Variants in BNC2 observed in about 807,000 individuals in gnomAD.
BNC2 encodes basonuclin zinc finger protein 2.
In BNC2, 20 loss-of-function variants were observed where a neutral mutation model predicts 76.3. The observed-to-expected ratio is 0.26, with a 90% CI of 0.18 to 0.38. The LOEUF is 0.38. BNC2 is among the 10% of genes least tolerant of loss of function. BNC2 has a pLI of 1.00. For synonymous variants in BNC2, 582 were observed against 514.8 expected (o/e 1.13, Z -1.77); for missense variants, 1,382 against 1,399.8 (o/e 0.99, Z 0.20).
chr9:16,801,277 C>T (rs561001074), intron 1 of BNC2, among the ~76,000 whole-genome samples: 1 of 152,214 alleles, frequency 6.6e-6, no homozygotes, highest in East Asian at 1.9e-4. Flanking sequence ...GACAGAGTCT[C>T]ACTCTGTCAC....
intron 5 of BNC2, among the ~76,000 whole-genome samples, chr9:16,517,397 A>C (rs1817474165): frequency 6.6e-6 from 1 of 152,228 alleles, no homozygotes; most frequent in African/African-American, 2.4e-5. Flanking sequence ...TATTTGCCTT[A>C]CAGTATTAAG....
chr9:16,511,546 T>C (rs754996182), intron 5 of BNC2, among the ~76,000 whole-genome samples: 3 of 148,688 alleles, frequency 2.0e-5, no homozygotes, highest in Non-Finnish European at 4.5e-5. Context: ...TCCTACCTCA[T>C]TCTCCCAAGT....
intron 3 of BNC2, among the ~76,000 whole-genome samples, chr9:16,703,990 G>C (rs1823588935): frequency 6.6e-6 from 1 of 152,112 alleles, no homozygotes; most frequent in Non-Finnish European, 1.5e-5. Context: ...AAGAATTAAG[G>C]TTTGAAATTG....
chr9:16,857,234 T>A (rs1416716750), intron 1 of BNC2, among the ~76,000 whole-genome samples: 1 of 152,084 alleles, frequency 6.6e-6, no homozygotes, highest in South Asian at 2.1e-4. Context: ...TCCCAGCACT[T>A]TGGGAGGTTG....
At chr9:16,517,843 G>A (rs964786760) in intron 5 of BNC2, among the ~76,000 whole-genome samples, 3 of 152,066 alleles carry the variant, frequency 2.0e-5, no homozygotes, top group Non-Finnish European at 4.4e-5. Context: ...ATAGGGTCCT[G>A]AGTTTTCTAA....
chr9:16,636,594 C>T (rs1034465308), intron 3 of BNC2, among the ~76,000 whole-genome samples: 1 of 152,150 alleles, frequency 6.6e-6, no homozygotes, highest in African/African-American at 2.4e-5. Flanking sequence ...TGAGCCGCCA[C>T]ACCCAGCTAG....
rs560745430 is a variant in BNC2, at chr9:16,584,896, T to C, written c.331-1811A>G. Among the ~76,000 whole-genome samples the C allele has an allele frequency of 3.4e-3, 520 of 152,224 alleles. 3 individuals are homozygous for C. Among genetic ancestry groups the C allele is most frequent in the African/African-American group, 0.012 (486 of 41,568 alleles). Reference sequence around the variant, plus strand: ...CAAATTATCTAATTATAAATTCAGATACGGGAACTATGTTGACATTAAAAC... The same window carrying C: ...CAAATTATCTAATTATAAATTCAGACACGGGAACTATGTTGACATTAAAAC... On this transcript the variant is annotated intron_variant, in intron 3 of 6. Transcript: ENST00000380672.
intron 5 of BNC2, among the ~76,000 whole-genome samples, chr9:16,551,457 C>A (rs936687189): frequency 3.0e-4 from 46 of 152,216 alleles, no homozygotes; most frequent in African/African-American, 1.1e-3. Flanking sequence ...TAATGCCCTT[C>A]ATGTAACACA....
In BNC2 at chr9:16,546,787, G is replaced by A. The variant is rs566218163; in HGVS notation, c.669+5743C>T. Among the ~76,000 whole-genome samples the A allele has an allele frequency of 3.3e-5, 5 of 152,114 alleles. No homozygotes were observed. The East Asian group carries it at 9.6e-4, about 29-fold the overall frequency. ...CTCTTCCCCCAAATCATGCCACACTGCATCTACAGACTCTCACATATTACA... is the reference window on the plus strand; with the variant it reads ...CTCTTCCCCCAAATCATGCCACACTACATCTACAGACTCTCACATATTACA... On this transcript the variant is annotated intron_variant, in intron 5 of 6. Coordinates refer to ENST00000380672, the MANE Select transcript of BNC2 (RefSeq NM_017637.6).
At chr9:16,791,957 C>T (rs1008499893) in intron 1 of BNC2, among the ~76,000 whole-genome samples, 3 of 151,910 alleles carry the variant, frequency 2.0e-5, no homozygotes, top group Non-Finnish European at 4.4e-5. Flanking sequence ...CAAAAATTAG[C>T]CAGGTGTGGT....
intron 3 of BNC2, among the ~76,000 whole-genome samples, chr9:16,644,018 C>T (rs1267181261): frequency 6.6e-6 from 1 of 152,088 alleles, no homozygotes; most frequent in Admixed American, 6.5e-5. Context: ...CCAAGAGAAC[C>T]TTAGAAGAGC....
At chr9:16,547,543 T>C (rs189192381) in intron 5 of BNC2, among the ~76,000 whole-genome samples, 8 of 152,308 alleles carry the variant, frequency 5.3e-5, no homozygotes, top group African/African-American at 1.9e-4. Flanking sequence ...GTTGACTTAA[T>C]TGACTGATTT....
At chr9:16,784,046 T>G (rs986226320) in intron 1 of BNC2, among the ~76,000 whole-genome samples, 3 of 152,130 alleles carry the variant, frequency 2.0e-5, no homozygotes, top group Non-Finnish European at 4.4e-5. Flanking sequence ...AAGGCAAAAT[T>G]TCTGCTTAAA....
intron 1 of BNC2, among the ~76,000 whole-genome samples, chr9:16,865,035 G>GAAAAAA (rs5896712): frequency 7.6e-6 from 1 of 131,068 alleles, no homozygotes; most frequent in Non-Finnish European, 1.6e-5. Flanking sequence ...GCTTTGGACT[G>GAAAAAA]AAAAAAAAAA....
chr9:16,758,166 C>G (rs938979075), intron 1 of BNC2, among the ~76,000 whole-genome samples: 2 of 151,738 alleles, frequency 1.3e-5, no homozygotes, highest in African/African-American at 4.8e-5. Context: ...ATCTTCAAAG[C>G]CAGCAATGTT....
rs185321893 is a variant in BNC2, at chr9:16,470,598, T to C, written c.670-33074A>G. On this transcript the variant is annotated intron_variant, in intron 5 of 6. Transcript: ENST00000380672. ...TGTGCAGCCTAGGAACTTGGTGCCC[T>C]GTATCCCAGCCGCTCTAGCTGTGGC... Among the ~76,000 whole-genome samples the C allele has an allele frequency of 9.2e-3, 1,399 of 152,298 alleles. 14 individuals carry two copies. Among genetic ancestry groups the C allele is most frequent in the Non-Finnish European group, 0.013 (902 of 68,030 alleles).
chr9:16,816,253 A>G (rs190251974), intron 1 of BNC2, among the ~76,000 whole-genome samples: 105 of 152,288 alleles, frequency 6.9e-4, no homozygotes, highest in African/African-American at 2.4e-3. Context: ...AGGCACTTCC[A>G]TTAAGACCTC....
intron 4 of BNC2, 50 bp from the exon 5 acceptor site, chr9:16,552,815 TAAAG>T (rs758289508): frequency 6.9e-7 from 1 of 1,446,842 alleles, no homozygotes. Context: ...GGGAATAAGA[TAAAG>T]AGAGAGAACA....
chr9:16,453,871 C>A (rs1002573219), intron 5 of BNC2, among the ~76,000 whole-genome samples: 20 of 152,186 alleles, frequency 1.3e-4, no homozygotes, highest in Non-Finnish European at 2.5e-4. Flanking sequence ...AGCATAAATT[C>A]TTTAATGCTG....
Sources: allele counts gnomAD v4.1 joint callset (sites outside exome capture counted in the v4.1 genomes callset), GRCh38; gene constraint gnomAD v4.1.1; transcripts MANE v1.5; gene names NCBI Gene and HGNC (gene_info 2026-07-23, HGNC 2026-07-21).